Variants in TENM3 observed in about 807,000 individuals in gnomAD.
TENM3 encodes the protein teneurin-3.
TENM3 carries 63 observed loss-of-function variants against 255.1 expected under a neutral mutation model. The ratio of observed to expected loss-of-function variants is 0.25; its 90% confidence interval spans 0.20 to 0.30. TENM3 has a LOEUF of 0.30. Among genes scored for constraint, TENM3 ranks in the 10% least tolerant of loss-of-function variants. The probability of loss-of-function intolerance (pLI) is 1.00; values close to 1 mark genes in which losing one functional copy is unlikely to be tolerated. For synonymous variants in TENM3, 1,306 were observed against 1,322.3 expected (o/e 0.99, Z 0.27); for missense variants, 2,929 against 3,461.1 (o/e 0.85, Z 3.86).
chr4:182,343,851 C>T (rs936904675), intron 2 of TENM3, among the ~76,000 whole-genome samples: 4 of 152,002 alleles, frequency 2.6e-5, no homozygotes, highest in African/African-American at 4.8e-5. Flanking sequence ...ATAAGGGATC[C>T]TAAAAATAAA....
chr4:182,644,050 T>C (rs1401797525), intron 5 of TENM3, among the ~76,000 whole-genome samples: 1 of 152,200 alleles, frequency 6.6e-6, no homozygotes, highest in Non-Finnish European at 1.5e-5. Context: ...CACGCTACTC[T>C]GTGTTGCCAA....
At chr4:181,915,992 C>T in the TENM3 span, among the ~76,000 whole-genome samples, 96 of 152,246 alleles carry the variant, frequency 6.3e-4, no homozygotes, top group African/African-American at 2.2e-3. Flanking sequence ...CCTTCTGTGG[C>T]TTCTCATTGC....
the TENM3 span, among the ~76,000 whole-genome samples, chr4:182,045,131 G>A: frequency 1.3e-5 from 2 of 152,096 alleles, no homozygotes; most frequent in East Asian, 1.9e-4. Flanking sequence ...TGTGGGACAC[G>A]GTGATAATTT....
chr4:182,615,832 A>C (rs1749460269), intron 4 of TENM3, among the ~76,000 whole-genome samples: 1 of 152,224 alleles, frequency 6.6e-6, no homozygotes, highest in Admixed American at 6.5e-5. Flanking sequence ...ATTTGTTCTA[A>C]ATTGACTACT....
chr4:181,552,774 G>A, the TENM3 span, among the ~76,000 whole-genome samples: 2 of 152,226 alleles, frequency 1.3e-5, no homozygotes, highest in South Asian at 2.1e-4. Flanking sequence ...AAAAGGCAGC[G>A]AAACCACTTC....
chr4:182,521,855 C>T (rs549138316), intron 3 of TENM3, among the ~76,000 whole-genome samples: 2 of 152,132 alleles, frequency 1.3e-5, no homozygotes, highest in African/African-American at 2.4e-5. Context: ...TTCCCTGATT[C>T]GTTAGAGTCA....
At chr4:182,528,950 A>G (rs17073541) in intron 3 of TENM3, among the ~76,000 whole-genome samples, 26,779 of 152,244 alleles carry the variant, frequency 0.18, 3,418 homozygotes, top group African/African-American at 0.35. Flanking sequence ...TGATTGTAGA[A>G]GTTCAGAGTT....
chr4:182,267,865 A>G (rs548613908), intron 1 of TENM3, among the ~76,000 whole-genome samples: 1 of 152,364 alleles, frequency 6.6e-6, no homozygotes, highest in East Asian at 1.9e-4. Flanking sequence ...TTATGTTTCA[A>G]AAACTATGGT....
intron 3 of TENM3, among the ~76,000 whole-genome samples, chr4:182,542,218 A>G (rs948098451): frequency 6.6e-6 from 1 of 152,176 alleles, no homozygotes; most frequent in East Asian, 1.9e-4. Context: ...TGTGCCTCAC[A>G]TCATGCCAGC....
the TENM3 span, among the ~76,000 whole-genome samples, chr4:181,646,954 G>T: frequency 3.3e-5 from 5 of 152,186 alleles, no homozygotes; most frequent in African/African-American, 1.2e-4. Flanking sequence ...TGGATTAAAT[G>T]GACAGGGGAA....
the TENM3 span, among the ~76,000 whole-genome samples, chr4:182,035,905 C>T: frequency 6.6e-6 from 1 of 152,158 alleles, no homozygotes; most frequent in Non-Finnish European, 1.5e-5. Context: ...CCTCCTGCTA[C>T]ACCACCAAGT....
At chr4:182,633,504 C>T (rs1751578276) in intron 5 of TENM3, among the ~76,000 whole-genome samples, 1 of 152,172 alleles carries the variant, frequency 6.6e-6, no homozygotes, top group East Asian at 1.9e-4. Flanking sequence ...TGATCTGGCA[C>T]CTGATGCATG....
chr4:181,705,035 C>CA, the TENM3 span, among the ~76,000 whole-genome samples: 8,127 of 42,172 alleles, frequency 0.19, 306 homozygotes, highest in Middle Eastern at 0.34. Flanking sequence ...GACTCCATCT[C>CA]AAAAACAAAA....
At position 182,628,906 on chromosome 4, in the gene TENM3, A is replaced by G. The variant is rs1751087772; in HGVS notation, c.988+17A>G. The G allele has an allele frequency of 7.0e-7, 1 of 1,430,972 alleles. No homozygotes were observed. The highest frequency in any genetic ancestry group is 1.4e-5 in the African/African-American group (1 of 70,786). The allele number at this position is 1,430,972 out of a possible 1,614,324, so 88.6% of individuals were successfully genotyped here. The stretch of plus-strand genomic sequence containing the variant: ...ATTTTATAGGTAAGAACAAGTTCTT[A>G]GAATTACTTTGTCTGTAAATCAGGG... On this transcript the variant is annotated intron_variant, in intron 5 of 27. Coordinates refer to ENST00000511685, the MANE Select transcript of TENM3 (RefSeq NM_001080477.4).
chr4:182,062,624 GC>G, the TENM3 span, among the ~76,000 whole-genome samples: 1 of 152,186 alleles, frequency 6.6e-6, no homozygotes, highest in Non-Finnish European at 1.5e-5. Context: ...AAATGACAGA[GC>G]TTTCCTAACT....
chr4:182,160,237 C>G (rs1399261882), intron 1 of TENM3, among the ~76,000 whole-genome samples: 1 of 151,632 alleles, frequency 6.6e-6, no homozygotes, highest in Non-Finnish European at 1.5e-5. Flanking sequence ...CTCCTGACCT[C>G]GTGATCCGCC....
the TENM3 span, among the ~76,000 whole-genome samples, chr4:182,052,985 A>G: frequency 6.6e-6 from 1 of 152,160 alleles, no homozygotes; most frequent in Non-Finnish European, 1.5e-5. Context: ...TATACATTAT[A>G]TATAATACAA....
At chr4:181,919,859 A>C in the TENM3 span, among the ~76,000 whole-genome samples, 1 of 147,496 alleles carries the variant, frequency 6.8e-6, no homozygotes, top group African/African-American at 2.5e-5. Flanking sequence ...CATTAGGTAT[A>C]TCTCCTAATG....
chr4:181,766,055 G>T, the TENM3 span, among the ~76,000 whole-genome samples: 1 of 152,154 alleles, frequency 6.6e-6, no homozygotes, highest in Non-Finnish European at 1.5e-5. Flanking sequence ...CTGACGGAAA[G>T]GGTGAAAGCG....
Sources: allele counts gnomAD v4.1 joint callset (sites outside exome capture counted in the v4.1 genomes callset), GRCh38; gene constraint gnomAD v4.1.1; transcripts MANE v1.5; gene names NCBI Gene and HGNC (gene_info 2026-07-23, HGNC 2026-07-21).